MYRIP: variants seen among roughly 807,000 people sequenced by gnomAD.
MYRIP encodes myosin VIIA and Rab interacting protein.
In MYRIP, 49 loss-of-function variants were observed where a neutral mutation model predicts 98.0. That is an observed-to-expected ratio of 0.50 (90% CI 0.40 to 0.63). MYRIP has a LOEUF of 0.63. MYRIP is among the 30% of genes least tolerant of loss of function. The pLI is 0.00. For missense variants in MYRIP, 1,004 were observed against 1,058.2 expected, an observed-to-expected ratio of 0.95 and a Z score of 0.71; for synonymous variants, 404 against 409.5, an observed-to-expected ratio of 0.99 and a Z score of 0.16.
chr3:40,174,409 T>C (rs985515365), intron 8 of MYRIP: 3 of 152,262 alleles, frequency 2.0e-5, no homozygotes, highest in Non-Finnish European at 4.4e-5. Context: ...ATATGCTCTA[T>C]CTTCCCCCCC....
At chr3:39,926,094 G>C (rs1024922909) in intron 2 of MYRIP, among the ~76,000 whole-genome samples, 1 of 151,976 alleles carries the variant, frequency 6.6e-6, no homozygotes, top group Non-Finnish European at 1.5e-5. Context: ...GTGACATTGA[G>C]GATTTTTTTA....
At chr3:40,240,974 C>T (rs1002429319) in intron 12 of MYRIP, among the ~76,000 whole-genome samples, 1 of 152,186 alleles carries the variant, frequency 6.6e-6, no homozygotes, top group Non-Finnish European at 1.5e-5. Flanking sequence ...TCAAACCCAT[C>T]CCAGACAGCC....
At chr3:40,041,022 G>A (rs868161063) in intron 2 of MYRIP, among the ~76,000 whole-genome samples, 328 of 41,038 alleles carry the variant, frequency 8.0e-3, no homozygotes, top group Middle Eastern at 0.023. Context: ...ATTACCAGCA[G>A]AAAAAAAAAA....
At chr3:39,886,664 T>C (rs1267484675) in intron 1 of MYRIP, among the ~76,000 whole-genome samples, 7 of 151,916 alleles carry the variant, frequency 4.6e-5, no homozygotes, top group Non-Finnish European at 8.8e-5. Context: ...ATGCACCCAA[T>C]ACAGGAGCAT....
chr3:39,816,160 C>G (rs938622075), intron 1 of MYRIP, among the ~76,000 whole-genome samples: 1 of 151,792 alleles, frequency 6.6e-6, no homozygotes, highest in Non-Finnish European at 1.5e-5. Flanking sequence ...CGGCTCACTG[C>G]AAGCTCCGCC....
At chr3:40,002,168 T>C (rs1380869507) in intron 2 of MYRIP, among the ~76,000 whole-genome samples, 1 of 152,150 alleles carries the variant, frequency 6.6e-6, no homozygotes, top group Non-Finnish European at 1.5e-5. Context: ...GAACTTAAGG[T>C]GTATGAACAC....
chr3:39,951,217 C>T (rs1362503634), intron 2 of MYRIP, among the ~76,000 whole-genome samples: 2 of 152,132 alleles, frequency 1.3e-5, no homozygotes, highest in East Asian at 3.9e-4. Context: ...CTCAAACCCC[C>T]CTGGCTTTAG....
chr3:39,874,568 C>A (rs1020809543), intron 1 of MYRIP, among the ~76,000 whole-genome samples: 10 of 152,120 alleles, frequency 6.6e-5, no homozygotes, highest in African/African-American at 2.4e-4. Flanking sequence ...TGAATTGTGT[C>A]AAAGGCCTTT....
intron 3 of MYRIP, among the ~76,000 whole-genome samples, chr3:40,092,950 C>T (rs1010702586): frequency 7.9e-5 from 12 of 152,138 alleles, no homozygotes; most frequent in African/African-American, 2.9e-4. Context: ...TGGTACATCA[C>T]AGATTTGTAC....
intron 2 of MYRIP, among the ~76,000 whole-genome samples, chr3:39,993,416 C>G (rs891307092): frequency 9.9e-5 from 15 of 152,194 alleles, no homozygotes; most frequent in African/African-American, 3.6e-4. Context: ...TTCAGCCATA[C>G]TCACCTGACA....
intron 2 of MYRIP, among the ~76,000 whole-genome samples, chr3:40,008,252 C>T (rs981758548): frequency 2.0e-5 from 3 of 152,104 alleles, no homozygotes; most frequent in Admixed American, 6.5e-5. Flanking sequence ...TAAAGGACCA[C>T]ATAAATTATG....
At chr3:39,888,915 AAC>A (rs1943396760) in intron 1 of MYRIP, among the ~76,000 whole-genome samples, 1 of 152,152 alleles carries the variant, frequency 6.6e-6, no homozygotes, top group African/African-American at 2.4e-5. Flanking sequence ...GCAGCCAAAA[AAC>A]ACATGAAAAA....
rs75371656 is a variant in MYRIP, at chr3:40,091,009, C to T, written c.332+46738C>T. On this transcript the variant is annotated intron_variant, in intron 3 of 16. Transcript: ENST00000302541. ...ATATGTGTGCTTCCAGGCAAGCGAG[C>T]ACATGTGGCACCTACCATAGGAAGA... Among the ~76,000 whole-genome samples, 1,080 of 152,266 alleles carry T rather than the reference C, an allele frequency of 7.1e-3. 17 individuals are homozygous for T. The highest frequency in any genetic ancestry group is 0.025 in the African/African-American group (1,021 of 41,544).
At chr3:39,829,970 A>G (rs1941392506) in intron 1 of MYRIP, among the ~76,000 whole-genome samples, 1 of 152,116 alleles carries the variant, frequency 6.6e-6, no homozygotes, top group South Asian at 2.1e-4. Context: ...TCACTTCCAC[A>G]GTTGTAACCT....
chr3:39,840,792 A>G (rs982174512), intron 1 of MYRIP, among the ~76,000 whole-genome samples: 1 of 151,918 alleles, frequency 6.6e-6, no homozygotes, highest in African/African-American at 2.4e-5. Flanking sequence ...TATTGGCCCC[A>G]CTCTCTTGTG....
intron 2 of MYRIP, among the ~76,000 whole-genome samples, chr3:39,929,357 A>G (rs1944489586): frequency 6.6e-6 from 1 of 152,020 alleles, no homozygotes; most frequent in Non-Finnish European, 1.5e-5. Context: ...AAATCCTAGC[A>G]AGAAATCTTA....
intron 3 of MYRIP, among the ~76,000 whole-genome samples, chr3:40,146,674 C>G (rs1253225781): frequency 6.6e-6 from 1 of 152,200 alleles, no homozygotes; most frequent in Non-Finnish European, 1.5e-5. Flanking sequence ...ACCTCTCGGT[C>G]CCTGCCTTCT....
At chr3:40,141,013 C>T (rs915425761) in intron 3 of MYRIP, among the ~76,000 whole-genome samples, 3 of 152,114 alleles carry the variant, frequency 2.0e-5, no homozygotes, top group African/African-American at 4.8e-5. Context: ...TCCATTCTAA[C>T]GATTTTTTTG....
chr3:40,196,869 A>G (rs1951407534), intron 10 of MYRIP, among the ~76,000 whole-genome samples: 1 of 152,114 alleles, frequency 6.6e-6, no homozygotes, highest in Non-Finnish European at 1.5e-5. Flanking sequence ...GACTCATGTT[A>G]GGAGATGCAA....
Sources: gnomAD v4.1 joint callset for allele counts (sites outside exome capture counted in the v4.1 genomes callset) on GRCh38, gnomAD v4.1.1 for gene constraint, MANE v1.5 for transcripts, NCBI Gene and HGNC (gene_info 2026-07-23, HGNC 2026-07-21) for gene names.